Variants in VTI1A observed in about 807,000 individuals in gnomAD.
VTI1A encodes vesicle transport through interaction with t-SNAREs homolog 1A.
VTI1A carries 22 observed loss-of-function variants against 34.9 expected under a neutral mutation model. The ratio of observed to expected loss-of-function variants is 0.63; its 90% CI spans 0.45 to 0.90. VTI1A has a LOEUF of 0.90. Ranked by LOEUF, VTI1A falls within the 40% of genes least tolerant of loss-of-function variation. The pLI, the probability that VTI1A is intolerant of heterozygous loss-of-function variation, is 0.00. For missense variants in VTI1A, 268 were observed against 275.6 expected (o/e 0.97, Z 0.20); for synonymous variants, 87 against 97.3 (o/e 0.89, Z 0.62).
At chr10:112,630,233 G>A (rs1248778054) in intron 5 of VTI1A, among the ~76,000 whole-genome samples, 1 of 152,116 alleles carries the variant, frequency 6.6e-6, no homozygotes, top group African/African-American at 2.4e-5. Context: ...ATCTGCACAG[G>A]ACAGCAGAGC....
intron 7 of VTI1A, among the ~76,000 whole-genome samples, chr10:112,771,685 G>A (rs1851818970): frequency 6.6e-6 from 1 of 152,118 alleles, no homozygotes; most frequent in Non-Finnish European, 1.5e-5. Flanking sequence ...AAGAAACCCT[G>A]TACCTTTTAG....
At chr10:112,501,148 C>T (rs114799155) in intron 3 of VTI1A, among the ~76,000 whole-genome samples, 57 of 152,280 alleles carry the variant, frequency 3.7e-4, no homozygotes, top group African/African-American at 1.3e-3. Context: ...CTGGCATACA[C>T]AGCTGCTCAA....
chr10:112,848,788 G>A, the VTI1A span, among the ~76,000 whole-genome samples: 2 of 152,170 alleles, frequency 1.3e-5, no homozygotes, highest in Non-Finnish European at 2.9e-5. Flanking sequence ...ACTGCCCTGA[G>A]GAGGAAGGGA....
At position 112,487,547 on chromosome 10, in the gene VTI1A, A is replaced by G. The variant is rs537720098; in HGVS notation, c.264+22890A>G. 6.8e-4 allele frequency among the ~76,000 whole-genome samples: 103 copies of G among 152,304 alleles called. 3 individuals carry two copies. The South Asian group carries it at 0.021, about 31-fold the overall frequency. Reference sequence around the variant, plus strand: ...TGACCCCCAAGCCTCATCATTTTACAAGCATAAATTGTCTTTATTTGCTTG... The same window carrying G: ...TGACCCCCAAGCCTCATCATTTTACGAGCATAAATTGTCTTTATTTGCTTG... On this transcript the variant is annotated intron_variant, in intron 3 of 7. Transcript: ENST00000393077.
intron 7 of VTI1A, among the ~76,000 whole-genome samples, chr10:112,803,702 G>T (rs140164515): frequency 2.6e-5 from 4 of 152,184 alleles, no homozygotes; most frequent in African/African-American, 7.2e-5. Flanking sequence ...GGAGGTGAAG[G>T]CTGCAGTGAG....
chr10:112,761,095 C>CTCTTA (rs1163355171), intron 7 of VTI1A, among the ~76,000 whole-genome samples: 1 of 152,054 alleles, frequency 6.6e-6, no homozygotes, highest in East Asian at 1.9e-4. Flanking sequence ...TAAAGTCAAC[C>CTCTTA]TCTTACTCAG....
At chr10:112,447,553 A>T in intron 1 of VTI1A, 86 bp downstream of exon 1, 2 of 1,466,202 alleles carry the variant, frequency 1.4e-6, no homozygotes, top group South Asian at 2.4e-5. Context: ...AAGTGTGTCT[A>T]TGAGGCGCGA....
chr10:112,455,324 C>A (rs113922062), intron 1 of VTI1A, among the ~76,000 whole-genome samples: 305 of 5,530 alleles, frequency 0.055, 54 homozygotes, highest in African/African-American at 0.069. Flanking sequence ...TCCGCTCCTC[C>A]TTCCCTCCTT....
intron 7 of VTI1A, among the ~76,000 whole-genome samples, chr10:112,791,749 A>G (rs1440472878): frequency 1.3e-5 from 2 of 151,950 alleles, no homozygotes; most frequent in African/African-American, 2.4e-5. Flanking sequence ...CACTTTGGGT[A>G]CGTATAACTT....
the VTI1A span, among the ~76,000 whole-genome samples, chr10:112,837,705 G>C: frequency 6.6e-6 from 1 of 152,186 alleles, no homozygotes; most frequent in Non-Finnish European, 1.5e-5. Context: ...TGGGAACATA[G>C]AGCAGGCAGC....
downstream of VTI1A, among the ~76,000 whole-genome samples, chr10:112,821,539 T>A (rs1226841498): frequency 6.6e-6 from 1 of 152,162 alleles, no homozygotes; most frequent in Non-Finnish European, 1.5e-5. Flanking sequence ...CGCTCCAGTT[T>A]CTCCCCAGAA....
chr10:112,752,013 A>G (rs981019995), intron 7 of VTI1A, among the ~76,000 whole-genome samples: 2 of 152,206 alleles, frequency 1.3e-5, no homozygotes, highest in African/African-American at 2.4e-5. Flanking sequence ...ACATGTTCAG[A>G]TACATCAATT....
intron 5 of VTI1A, among the ~76,000 whole-genome samples, chr10:112,600,633 C>T (rs145656320): frequency 1.3e-5 from 2 of 152,236 alleles, no homozygotes; most frequent in Admixed American, 1.3e-4. Context: ...ACTAACTGAC[C>T]TTATAGTCTA....
intron 3 of VTI1A, among the ~76,000 whole-genome samples, chr10:112,478,367 T>A (rs1848349207): frequency 6.6e-6 from 1 of 152,192 alleles, no homozygotes; most frequent in Admixed American, 6.5e-5. Flanking sequence ...GTCAAATAGA[T>A]AATGTTAAAA....
At chr10:112,673,468 G>GCGCACCACACA (rs1554938762) in intron 7 of VTI1A, among the ~76,000 whole-genome samples, 1 of 151,562 alleles carries the variant, frequency 6.6e-6, no homozygotes, top group South Asian at 2.1e-4. Flanking sequence ...GCGTGCGCGC[G>GCGCACCACACA]CACACACACA....
At chr10:112,525,324 G>T (rs565490355) in intron 3 of VTI1A, among the ~76,000 whole-genome samples, 1 of 152,108 alleles carries the variant, frequency 6.6e-6, no homozygotes, top group Non-Finnish European at 1.5e-5. Context: ...AGCGAAATGG[G>T]GTTTAGGGTG....
chr10:112,628,110 A>G (rs964571292), intron 5 of VTI1A, among the ~76,000 whole-genome samples: 4 of 152,192 alleles, frequency 2.6e-5, no homozygotes, highest in African/African-American at 9.7e-5. Context: ...TTTTCTAGCC[A>G]ACTCTAATTT....
chr10:112,536,875 G>T (rs1305875215), intron 4 of VTI1A, among the ~76,000 whole-genome samples: 1 of 152,020 alleles, frequency 6.6e-6, no homozygotes, highest in Admixed American at 6.6e-5. Flanking sequence ...GTTGTGAATG[G>T]TAATGATAAC....
the VTI1A span, among the ~76,000 whole-genome samples, chr10:112,838,132 C>T: frequency 6.6e-6 from 1 of 152,252 alleles, no homozygotes; most frequent in Non-Finnish European, 1.5e-5. Flanking sequence ...CCTCTGCCCA[C>T]GTGGCCTGGG....
Sources: allele counts gnomAD v4.1 joint callset (sites outside exome capture counted in the v4.1 genomes callset), GRCh38; gene constraint gnomAD v4.1.1; transcripts MANE v1.5; gene names NCBI Gene and HGNC (gene_info 2026-07-23, HGNC 2026-07-21).